Variants in SLK observed in about 807,000 individuals in gnomAD.
SLK encodes STE20 like kinase.
A neutral mutation model predicts 147.7 loss-of-function variants in SLK; 67 were observed. That is an observed-to-expected ratio of 0.45 (90% CI 0.37 to 0.56). SLK has a LOEUF of 0.56. SLK is among the 20% of genes least tolerant of loss of function. SLK has a pLI of 0.00. For synonymous variants in SLK, 441 were observed against 475.0 expected, an observed-to-expected ratio of 0.93 and a Z score of 0.93; for missense variants, 1,136 against 1,438.8, an observed-to-expected ratio of 0.79 and a Z score of 3.41.
At chr10:103,988,809 C>T (rs1421432184) in intron 1 of SLK, among the ~76,000 whole-genome samples, 1 of 151,270 alleles carries the variant, frequency 6.6e-6, no homozygotes, top group Non-Finnish European at 1.5e-5. Flanking sequence ...TTTTACTTGG[C>T]AGATATATGT....
At position 103,990,856 on chromosome 10, in the gene SLK, G is replaced by T. The variant is rs747821062; in HGVS notation, c.315+17G>T. On this transcript the variant is annotated intron_variant, in intron 2 of 18. Coordinates refer to ENST00000369755, the MANE Select transcript of SLK (RefSeq NM_014720.4). Reference sequence around the variant, plus strand: ...AATCTTTGGGTAAGTATTTTCTGTTGATCTAAAGGAGTAGCCAAAATGAGT... The same window carrying T: ...AATCTTTGGGTAAGTATTTTCTGTTTATCTAAAGGAGTAGCCAAAATGAGT... 6.9e-7 allele frequency: 1 copy of T among 1,450,636 alleles called. No homozygotes were observed. The highest frequency in any genetic ancestry group is 1.6e-5 in the South Asian group (1 of 63,470). The allele number at this position is 1,450,636 out of a possible 1,614,324, so 89.9% of individuals were successfully genotyped here.
At chr10:103,991,318 A>G (rs1844090198) in intron 2 of SLK, among the ~76,000 whole-genome samples, 1 of 152,140 alleles carries the variant, frequency 6.6e-6, no homozygotes, top group Non-Finnish European at 1.5e-5. Flanking sequence ...CTAAAGCTGT[A>G]TGTATAAATT....
At position 103,999,363 on chromosome 10, in the gene SLK, G is replaced by A. The variant is rs201818938; in HGVS notation, c.782+50G>A. 11 of 1,333,156 alleles carry A rather than the reference G, an allele frequency of 8.3e-6. No homozygotes were observed. In the African/African-American group the frequency reaches 1.6e-4, roughly 20 times the overall value. The allele number at this position is 1,333,156 out of a possible 1,614,324, so 82.6% of individuals were successfully genotyped here. A position where few individuals can be genotyped will look rare whatever the true frequency, so the allele number is the denominator to read the frequency against. On this transcript the variant is annotated intron_variant, in intron 6 of 18. Coordinates refer to ENST00000369755, the MANE Select transcript of SLK (RefSeq NM_014720.4). ...AATAAGAAACAAATGATACTAGGAA[G>A]CAGAACTTGATGTTATATTCTCACA...
At chr10:104,024,770 G>C (rs1334030078) in intron 18 of SLK, among the ~76,000 whole-genome samples, 12 of 152,128 alleles carry the variant, frequency 7.9e-5, no homozygotes, top group Non-Finnish European at 1.8e-4. Context: ...CTGGAGGCTG[G>C]GGAGTCTGAG....
chr10:104,003,257 G>A lies in SLK; in HGVS notation c.2079G>A (p.Glu693=). 2.5e-6 allele frequency: 4 copies of A among 1,613,584 alleles called. No homozygotes were observed. Among genetic ancestry groups the A allele is most frequent in the East Asian group, 2.2e-5 (1 of 44,868 alleles). ...KKEIPVSIKK[E]PEVTVVSQPT... is the part of the protein sequence containing the mutation. ...AAATTCCAGTGTCAATTAAAAAAGA[G>A]CCTGAAGTTACTGTAGTTTCACAGC... Residue 693 remains glutamate (E), a synonymous_variant, in exon 9 of 19, where the codon GAG becomes GAA. Coordinates refer to ENST00000369755, the MANE Select transcript of SLK (RefSeq NM_014720.4).
chr10:104,017,177 T>C (rs1384440255), intron 13 of SLK, among the ~76,000 whole-genome samples: 1 of 152,232 alleles, frequency 6.6e-6, no homozygotes, highest in Non-Finnish European at 1.5e-5. Context: ...TCAATAAATA[T>C]TTGTTGAATG....
intron 15 of SLK, 136 bp downstream of exon 15, chr10:104,019,044 A>G: frequency 1.2e-6 from 1 of 812,084 alleles, no homozygotes; most frequent in Non-Finnish European, 1.9e-6. Flanking sequence ...TTCTTGGATG[A>G]AGTTTGGAGT....
At chr10:104,006,826 T>C (rs1844332634) in intron 11 of SLK, among the ~76,000 whole-genome samples, 2 of 152,200 alleles carry the variant, frequency 1.3e-5, no homozygotes, top group South Asian at 4.1e-4. Context: ...TAGTGAACTT[T>C]TGTTCTCATT....
At chr10:103,989,862 A>G (rs75893183) in intron 1 of SLK, among the ~76,000 whole-genome samples, 29,958 of 152,206 alleles carry the variant, frequency 0.2, 3,211 homozygotes, top group Non-Finnish European at 0.24. Context: ...GTTGAAAAAC[A>G]TGTCTACACA....
intron 7 of SLK, among the ~76,000 whole-genome samples, chr10:104,000,172 A>C (rs1045252349): frequency 3.9e-5 from 6 of 152,002 alleles, no homozygotes; most frequent in African/African-American, 1.2e-4. Flanking sequence ...TGTTCTTTTC[A>C]TTTTGGTAGT....
At chr10:104,020,759 A>G in intron 17 of SLK, 146 bp downstream of exon 17, 2 of 761,638 alleles carry the variant, frequency 2.6e-6, no homozygotes, top group Non-Finnish European at 4.2e-6. Context: ...ACAGATCCAA[A>G]TGAAGATCAG....
chr10:104,025,855 T>G lies in SLK; in HGVS notation c.*135T>G, dbSNP rs1844591737. The G allele has an allele frequency of 5.1e-6, 4 of 784,218 alleles. No individual in the cohort carries two copies. Among genetic ancestry groups the G allele is most frequent in the African/African-American group, 3.5e-5 (2 of 56,782 alleles). The allele number at this position is 784,218 out of a possible 1,614,324, so 48.6% of individuals were successfully genotyped here. On this transcript the variant is annotated 3_prime_UTR_variant, in exon 19 of 19. Coordinates refer to ENST00000369755, the MANE Select transcript of SLK (RefSeq NM_014720.4). ...TTCTAGGTGTTTTCCTTTTTTGTTT[T>G]TTTTGTTTTGTTTTGTTTTTAAGCA... is the stretch of plus-strand genomic sequence containing the variant.
Position 104,027,073 on chromosome 10 carries a change from A to T in SLK, c.*1353A>T, listed in dbSNP as rs980144797. ...CATTTTCAACCTATTCTCTCTTAAG[A>T]GTGCTAGGTACCAAATTGTGAAAGT... On this transcript the variant is annotated 3_prime_UTR_variant, in exon 19 of 19. Coordinates refer to ENST00000369755, the MANE Select transcript of SLK (RefSeq NM_014720.4). The T allele has an allele frequency of 6.6e-6, 1 of 152,204 alleles. No homozygotes were observed. The highest frequency in any genetic ancestry group is 1.5e-5 in the Non-Finnish European group (1 of 68,030). The allele number at this position is 152,204 out of a possible 1,614,324, so 9.4% of individuals were successfully genotyped here.
At chr10:103,969,018 G>T (rs1843757658) in intron 1 of SLK, among the ~76,000 whole-genome samples, 1 of 152,018 alleles carries the variant, frequency 6.6e-6, no homozygotes. Context: ...GCCCAGGCTG[G>T]AGTGCAATAG....
intron 1 of SLK, among the ~76,000 whole-genome samples, chr10:103,976,344 G>A (rs189220656): frequency 6.6e-6 from 1 of 152,146 alleles, no homozygotes; most frequent in Non-Finnish European, 1.5e-5. Context: ...TTCCAAAGCG[G>A]TTGTACCAAT....
chr10:104,018,770 C>T lies in SLK; in HGVS notation c.3008-14C>T. 1 of 1,594,416 alleles carries T rather than the reference C, an allele frequency of 6.3e-7. No homozygotes were observed. The highest frequency in any genetic ancestry group is 8.5e-7 in the Non-Finnish European group (1 of 1,175,042). On this transcript the variant is annotated splice_polypyrimidine_tract_variant and intron_variant, in intron 14 of 18. Transcript: ENST00000369755. ...AAAGAGCAAAGTGACATTTTGAAAA[C>T]TGCTGTCTTCTAGCTCGAGAAGCTG...
At position 104,003,210 on chromosome 10, in the gene SLK, CAGATAGAT is replaced by C; in HGVS notation, c.2034_2041del (p.Ile679ArgfsTer10). The stretch of plus-strand genomic sequence containing the variant: ...TCAGGATGCTTCTAAAGTCACTACT[CAGATAGAT>C]AAAGAGAAAAAAGAAATTCCAGTGT... On this transcript the variant is annotated frameshift_variant, in exon 9 of 19. Transcript: ENST00000369755. LOFTEE classifies it high-confidence loss of function. 1 of 1,612,898 alleles carries C rather than the reference CAGATAGAT, an allele frequency of 6.2e-7. No homozygotes were observed.
At chr10:103,982,951 A>G (rs1327544392) in intron 1 of SLK, among the ~76,000 whole-genome samples, 2 of 152,184 alleles carry the variant, frequency 1.3e-5, no homozygotes, top group Non-Finnish European at 2.9e-5. Context: ...AAGTCACTTA[A>G]CACTTATACA....
At chr10:103,971,870 C>A (rs1297810880) in intron 1 of SLK, among the ~76,000 whole-genome samples, 1 of 152,184 alleles carries the variant, frequency 6.6e-6, no homozygotes, top group Non-Finnish European at 1.5e-5. Flanking sequence ...CCGAGAATCC[C>A]TCTTGCCTCC....
Sources: allele counts gnomAD v4.1 joint callset (sites outside exome capture counted in the v4.1 genomes callset), GRCh38; gene constraint gnomAD v4.1.1; transcripts MANE v1.5; gene names NCBI Gene and HGNC (gene_info 2026-07-23, HGNC 2026-07-21).